Variants in LMO7 observed in about 807,000 individuals in gnomAD.
LMO7 encodes LIM domain 7, also known as LIM domain only protein 7.
In LMO7, 120 loss-of-function variants were observed where a neutral mutation model predicts 206.5. That is an observed-to-expected ratio of 0.58 (90% CI 0.50 to 0.68). The LOEUF (loss-of-function observed/expected upper bound fraction) is 0.68. Among genes scored for constraint, LMO7 ranks in the 30% least tolerant of loss-of-function variants. The pLI is 0.00. For synonymous variants in LMO7, 706 were observed against 681.5 expected, an observed-to-expected ratio of 1.04 and a Z score of -0.56; for missense variants, 1,959 against 1,957.9, an observed-to-expected ratio of 1.00 and a Z score of -0.01.
At chr13:75,753,331 T>A (rs2047423368) in intron 3 of LMO7, among the ~76,000 whole-genome samples, 1 of 152,246 alleles carries the variant, frequency 6.6e-6, no homozygotes, top group Admixed American at 6.5e-5. Flanking sequence ...TGTATATAGT[T>A]TGCAAATATT....
intron 1 of LMO7, among the ~76,000 whole-genome samples, chr13:75,647,122 C>T (rs34890868): frequency 0.014 from 2,131 of 151,980 alleles, 20 homozygotes; most frequent in Non-Finnish European, 0.025. Flanking sequence ...CCGCTATTTC[C>T]GCTAGAATAT....
At chr13:75,769,797 A>G (rs7335067) in intron 4 of LMO7, among the ~76,000 whole-genome samples, 99,512 of 151,916 alleles carry the variant, frequency 0.66, 32,941 homozygotes, top group East Asian at 0.93. Flanking sequence ...TATTACTGTC[A>G]TTACTATAGT....
intron 1 of LMO7, among the ~76,000 whole-genome samples, chr13:75,671,773 G>A (rs997903595): frequency 1.3e-5 from 2 of 152,080 alleles, no homozygotes; most frequent in Non-Finnish European, 2.9e-5. Flanking sequence ...CCCTTCTCAG[G>A]TGCTTTGCCA....
At chr13:75,734,033 A>G (rs2045557288) in intron 3 of LMO7, among the ~76,000 whole-genome samples, 1 of 152,188 alleles carries the variant, frequency 6.6e-6, no homozygotes. Flanking sequence ...GCATTTCCAA[A>G]ATAGTCAAGG....
At chr13:75,635,684 C>A (rs1416978826), upstream of LMO7, 2 of 152,082 alleles carry the variant, frequency 1.3e-5, no homozygotes, top group Admixed American at 1.3e-4. Context: ...CTCCTTCCAC[C>A]GCACCCACCT....
rs755229661 is a variant in LMO7 at position 75,621,811 on chromosome 13, C to CACAGAT, written c.119_120insCAGATA (p.His40_Val41insArgTyr). 3.7e-6 allele frequency: 6 copies of CACAGAT among 1,611,776 alleles called. No homozygotes were observed. The African/African-American group carries it at 8.0e-5, about 22-fold the overall frequency. On this transcript the variant is annotated inframe_insertion, in exon 1 of 30. Coordinates refer to the LMO7 transcript ENST00000341547. Reference sequence around the variant, plus strand: ...AATTTGGAGGCAACTGATATGTGCTCATGTCTGCATCTGTGTGGGTTGGCT... The same window carrying CACAGAT: ...AATTTGGAGGCAACTGATATGTGCTCACAGATATGTCTGCATCTGTGTGGGTTGGCT...
Position 75,713,287 on chromosome 13 carries a change from A to G in LMO7, c.140+35A>G, listed in dbSNP as rs766499475. ...TAAAGTATTTAAAAAATAATTCAAAAGCAAAGATATGTGTGTGTGTGAGTG... is the reference window on the plus strand; with the variant it reads ...TAAAGTATTTAAAAAATAATTCAAAGGCAAAGATATGTGTGTGTGTGAGTG... On this transcript the variant is annotated intron_variant, in intron 2 of 30. Transcript: ENST00000377534. The G allele has an allele frequency of 5.3e-6, 8 of 1,501,382 alleles. No homozygotes were observed. The South Asian group carries it at 9.3e-5, about 17-fold the overall frequency. 93.0% of individuals were successfully genotyped at this position (1,501,382 alleles called of 1,614,324 possible).
intron 25 of LMO7, 72 bp downstream of exon 25, chr13:75,842,988 T>C (rs2059675705): frequency 1.0e-6 from 1 of 967,896 alleles, no homozygotes; most frequent in Non-Finnish European, 1.7e-6. Flanking sequence ...CTTGCATCGA[T>C]GATTTGTAGA....
chr13:75,723,736 G>A (rs937599952), intron 2 of LMO7, among the ~76,000 whole-genome samples: 8 of 152,126 alleles, frequency 5.3e-5, no homozygotes, highest in Non-Finnish European at 1.0e-4. Flanking sequence ...TGAAGGGAGC[G>A]GACAATTTGA....
chr13:75,685,369 A>G (rs2040884100), intron 1 of LMO7, among the ~76,000 whole-genome samples: 1 of 152,176 alleles, frequency 6.6e-6, no homozygotes, highest in Non-Finnish European at 1.5e-5. Flanking sequence ...GAGTTGACTC[A>G]TGTTTGTGTG....
chr13:75,635,026 AAC>A (rs1491304757), upstream of LMO7, among the ~76,000 whole-genome samples: 21 of 150,446 alleles, frequency 1.4e-4, no homozygotes, highest in Non-Finnish European at 2.5e-4. Flanking sequence ...AACAAAACAA[AAC>A]AAAACAAAAC....
At chr13:75,804,819 T>G in intron 8 of LMO7, 1 of 1,131,422 alleles carries the variant, frequency 8.8e-7, no homozygotes, top group African/African-American at 1.6e-5. Context: ...GTATTGTTCA[T>G]GATGAGCCAT....
intron 1 of LMO7, among the ~76,000 whole-genome samples, chr13:75,673,503 G>C (rs2039762452): frequency 6.6e-6 from 1 of 152,058 alleles, no homozygotes; most frequent in Non-Finnish European, 1.5e-5. Context: ...AGGAGCAGAT[G>C]TCCAACAGCT....
At chr13:75,785,313 A>C (rs1056207135) in intron 4 of LMO7, among the ~76,000 whole-genome samples, 3 of 152,190 alleles carry the variant, frequency 2.0e-5, no homozygotes, top group Non-Finnish European at 4.4e-5. Flanking sequence ...TATGAATCAC[A>C]TCAAACCTTA....
chr13:75,855,783 C>T (rs951849372), intron 29 of LMO7, among the ~76,000 whole-genome samples: 2 of 152,170 alleles, frequency 1.3e-5, no homozygotes, highest in Non-Finnish European at 2.9e-5. Context: ...ACCATTGTAG[C>T]TATTTTTATA....
At chr13:75,821,003 A>C (rs1416242544) in intron 13 of LMO7, among the ~76,000 whole-genome samples, 174 bp from the exon 14 acceptor site, 3 of 152,070 alleles carry the variant, frequency 2.0e-5, no homozygotes, top group Non-Finnish European at 4.4e-5. Flanking sequence ...GTCTCAAAAA[A>C]AAAAAAAAAA....
intron 2 of LMO7, among the ~76,000 whole-genome samples, chr13:75,630,251 CT>C (rs987868078): frequency 1.3e-5 from 2 of 152,160 alleles, no homozygotes; most frequent in Admixed American, 1.3e-4. Flanking sequence ...GATATAGAAC[CT>C]GTAGATATGG....
At chr13:75,726,431 CTTAG>C (rs1378632832) in intron 2 of LMO7, among the ~76,000 whole-genome samples, 1 of 151,750 alleles carries the variant, frequency 6.6e-6, no homozygotes, top group Non-Finnish European at 1.5e-5. Flanking sequence ...TCTGAGGTAA[CTTAG>C]TTAATTTGGG....
intron 1 of LMO7, among the ~76,000 whole-genome samples, chr13:75,679,315 G>A (rs2040285286): frequency 1.3e-5 from 2 of 152,170 alleles, no homozygotes; most frequent in African/African-American, 4.8e-5. Context: ...CATGTTTCAT[G>A]TGTCTCACTC....
Sources: gnomAD v4.1 joint callset for allele counts (sites outside exome capture counted in the v4.1 genomes callset) on GRCh38, gnomAD v4.1.1 for gene constraint, MANE v1.5 for transcripts, NCBI Gene and HGNC (gene_info 2026-07-23, HGNC 2026-07-21) for gene names.